The following PPIL2 variants were observed in gnomAD, a reference collection of about 807,000 sequenced individuals.
The protein encoded by PPIL2 is peptidylprolyl isomerase like 2.
A neutral mutation model predicts 75.2 loss-of-function variants in PPIL2; 50 were observed. That is an observed-to-expected ratio of 0.66 (90% CI 0.53 to 0.84). The LOEUF (loss-of-function observed/expected upper bound fraction) is 0.84. Ranked by LOEUF, PPIL2 falls within the 40% of genes least tolerant of loss-of-function variation. The pLI is 0.00. For missense variants in PPIL2, 590 were observed against 685.0 expected (o/e 0.86, Z 1.55); for synonymous variants, 245 against 258.8 (o/e 0.95, Z 0.51).
chr22:21,698,534 C>CTGTT (rs1158502039), downstream of PPIL2: 33 of 152,494 alleles, frequency 2.2e-4, no homozygotes, highest in Non-Finnish European at 3.8e-4. Flanking sequence ...GAACCTCCAA[C>CTGTT]TGTTTCCCCT....
intron 14 of PPIL2, among the ~76,000 whole-genome samples, chr22:21,688,315 G>A (rs2067466161): frequency 6.6e-6 from 1 of 152,190 alleles, no homozygotes; most frequent in African/African-American, 2.4e-5. Flanking sequence ...GGTAGAGGAG[G>A]CAAGAGTGTG....
Position 21,696,654 on chromosome 22 carries a change from C to T in PPIL2, c.*1164C>T, listed in dbSNP as rs2067944933. On this transcript the variant is annotated 3_prime_UTR_variant, in exon 20 of 20. Coordinates refer to ENST00000398831, the MANE Select transcript of PPIL2 (RefSeq NM_014337.4). ...CTTGGGCTCCCTGTTGCCCTCAGGC[C>T]ACCCCCCACTTCTAGTTCTTCACAC... 2.0e-6 allele frequency: 3 copies of T among 1,523,298 alleles called. No homozygotes were observed. The highest frequency in any genetic ancestry group is 2.6e-6 in the Non-Finnish European group (3 of 1,140,006). The allele number at this position is 1,523,298 out of a possible 1,614,324, so 94.4% of individuals were successfully genotyped here.
chr22:21,679,188 G>A (rs1177408979), intron 6 of PPIL2, among the ~76,000 whole-genome samples: 1 of 151,718 alleles, frequency 6.6e-6, no homozygotes, highest in Non-Finnish European at 1.5e-5. Flanking sequence ...GAGCCACCGC[G>A]CCCAGCCCCA....
intron 15 of PPIL2, 75 bp from the exon 16 acceptor site, chr22:21,693,741 C>G: frequency 7.0e-7 from 1 of 1,436,370 alleles, no homozygotes; most frequent in Non-Finnish European, 9.8e-7. Flanking sequence ...GGGTGGGCAG[C>G]TCCTGGTGTG....
intron 6 of PPIL2, among the ~76,000 whole-genome samples, chr22:21,678,602 C>T (rs1373640340): frequency 6.6e-6 from 1 of 152,184 alleles, no homozygotes; most frequent in East Asian, 1.9e-4. Flanking sequence ...TCCCCTGTGC[C>T]CATCATCAAC....
At chr22:21,680,090 C>CAAA (rs558080959) in intron 6 of PPIL2, among the ~76,000 whole-genome samples, 1 of 122,998 alleles carries the variant, frequency 8.1e-6, no homozygotes, top group Non-Finnish European at 1.8e-5. Flanking sequence ...GACTCTGTCT[C>CAAA]AAAAAAAAAA....
At chr22:21,677,560 G>T (rs1040544088) in intron 6 of PPIL2, among the ~76,000 whole-genome samples, 9 of 152,334 alleles carry the variant, frequency 5.9e-5, no homozygotes, top group African/African-American at 1.9e-4. Context: ...AGTCAGGCGT[G>T]GCGGCGCGCG....
At chr22:21,688,952 T>A in intron 15 of PPIL2, 103 bp downstream of exon 15, 1 of 1,121,466 alleles carries the variant, frequency 8.9e-7, no homozygotes, top group South Asian at 1.4e-5. Flanking sequence ...TTCTGAATCA[T>A]ACCCAGACGG....
rs200642420 is a variant in PPIL2 at position 21,686,890 on chromosome 22, A to C, written c.791-2A>C. ...GGGCTGAGCTGGGACCTTGGCTTGT[A>C]GCTGCCATCGACGAGGATGTGCTGC... is the stretch of plus-strand genomic sequence containing the variant. On this transcript the variant is annotated splice_acceptor_variant, in intron 11 of 19. Coordinates refer to ENST00000398831, the MANE Select transcript of PPIL2 (RefSeq NM_014337.4). LOFTEE classifies it high-confidence loss of function. 1 of 1,613,830 alleles carries C rather than the reference A, an allele frequency of 6.2e-7. No individual in the cohort carries two copies. Among genetic ancestry groups the C allele is most frequent in the East Asian group, 2.2e-5 (1 of 44,864 alleles).
At chr22:21,693,311 G>T (rs2067765721) in intron 15 of PPIL2, among the ~76,000 whole-genome samples, 1 of 152,234 alleles carries the variant, frequency 6.6e-6, no homozygotes. Context: ...GCCTCCCAAA[G>T]TGCTGGGATT....
intron 13 of PPIL2, 22 bp from the exon 14 acceptor site, chr22:21,688,051 T>A (rs771649752): frequency 1.2e-6 from 2 of 1,614,184 alleles, no homozygotes; most frequent in South Asian, 2.2e-5. Context: ...TGTGACTTGC[T>A]CACTGGCTTT....
Position 21,695,696 on chromosome 22 carries a change from GA to G in PPIL2, c.*207del. On this transcript the variant is annotated 3_prime_UTR_variant, in exon 20 of 20. Coordinates refer to ENST00000398831, the MANE Select transcript of PPIL2 (RefSeq NM_014337.4). Reference sequence around the variant, plus strand: ...CCAAGGGCCTTGGCCCTGTTTCCAGGACCTGGCCCAGCCAGAGCCCACTGCT... The same window carrying G: ...CCAAGGGCCTTGGCCCTGTTTCCAGGCCTGGCCCAGCCAGAGCCCACTGCT... 1 of 1,384,254 alleles carries G rather than the reference GA, an allele frequency of 7.2e-7. No homozygotes were observed. Among genetic ancestry groups the G allele is most frequent in the African/African-American group, 1.5e-5 (1 of 68,420 alleles). The allele number at this position is 1,384,254 out of a possible 1,614,324, so 85.7% of individuals were successfully genotyped here.
intron 15 of PPIL2, among the ~76,000 whole-genome samples, chr22:21,692,035 G>C (rs1165087206): frequency 6.7e-6 from 1 of 150,070 alleles, no homozygotes. Context: ...CGTGCCGCCA[G>C]CGCCGGGACC....
intron 19 of PPIL2, 41 bp from the exon 20 acceptor site, chr22:21,695,353 G>T: frequency 1.3e-6 from 2 of 1,563,742 alleles, no homozygotes; most frequent in South Asian, 1.2e-5. Flanking sequence ...AGGAGGGGCT[G>T]AGGGAGGGTG....
rs1246359250 is a variant in PPIL2, at chr22:21,697,361, G to GT, written c.*1872dup. 4.0e-6 allele frequency: 1 copy of GT among 247,942 alleles called. No homozygotes were observed. Among genetic ancestry groups the GT allele is most frequent in the African/African-American group, 2.2e-5 (1 of 44,810 alleles). The allele number at this position is 247,942 out of a possible 1,614,324, so 15.4% of individuals were successfully genotyped here. ...ACACCCTGGCTGGCCCTGACTGACT[G>GT]TATTCTCTGGCCACATTCAAGTCCC... is the stretch of plus-strand genomic sequence containing the variant. On this transcript the variant is annotated 3_prime_UTR_variant, in exon 20 of 20. Transcript: ENST00000398831.
intron 15 of PPIL2, among the ~76,000 whole-genome samples, chr22:21,692,623 A>G (rs975186177): frequency 2.0e-5 from 3 of 151,598 alleles, no homozygotes; most frequent in Non-Finnish European, 4.4e-5. Context: ...TAAGAAGGAC[A>G]TCTATTTAAA....
chr22:21,694,484 C>A, intron 16 of PPIL2, 109 bp from the exon 17 acceptor site: 24 of 1,281,630 alleles, frequency 1.9e-5, no homozygotes, highest in Non-Finnish European at 2.5e-5. Flanking sequence ...CCAAGGACCA[C>A]CAGGCCAGCC....
At chr22:21,687,381 C>T (rs545895700) in intron 12 of PPIL2, among the ~76,000 whole-genome samples, 10 of 152,130 alleles carry the variant, frequency 6.6e-5, no homozygotes, top group Admixed American at 1.3e-4. Context: ...TGGGGAAACC[C>T]GTCTCTACTA....
chr22:21,691,486 C>T (rs1320809888), intron 15 of PPIL2, among the ~76,000 whole-genome samples: 1 of 152,014 alleles, frequency 6.6e-6, no homozygotes, highest in East Asian at 1.9e-4. Context: ...CGAGACCATC[C>T]TCGCTAACAC....
Sources: allele counts gnomAD v4.1 joint callset (sites outside exome capture counted in the v4.1 genomes callset), GRCh38; gene constraint gnomAD v4.1.1; transcripts MANE v1.5; gene names NCBI Gene and HGNC (gene_info 2026-07-23, HGNC 2026-07-21).